Variants in KAZN observed in about 807,000 individuals in gnomAD.
KAZN encodes kazrin, periplakin interacting protein.
In KAZN, 40 loss-of-function variants were observed where a neutral mutation model predicts 87.4. That is an observed-to-expected ratio of 0.46 (90% CI 0.36 to 0.60). The LOEUF is 0.60. Among genes scored for constraint, KAZN ranks in the 20% least tolerant of loss-of-function variants. The pLI is 0.00. For synonymous variants in KAZN, 466 were observed against 458.3 expected (o/e 1.02, Z -0.22); for missense variants, 898 against 1,073.9 (o/e 0.84, Z 2.29).
intron 2 of KAZN, among the ~76,000 whole-genome samples, chr1:14,380,113 G>C (rs1471908695): frequency 6.6e-6 from 1 of 152,222 alleles, no homozygotes; most frequent in Non-Finnish European, 1.5e-5. Flanking sequence ...TCTTATCCAA[G>C]ACTACCAAGG....
chr1:14,545,856 T>C (rs1158411904), intron 2 of KAZN, among the ~76,000 whole-genome samples: 1 of 152,262 alleles, frequency 6.6e-6, no homozygotes, highest in East Asian at 1.9e-4. Flanking sequence ...GTTATACATG[T>C]TACTTTAGCT....
chr1:14,481,947 T>C (rs1477950443), intron 2 of KAZN, among the ~76,000 whole-genome samples: 2 of 152,044 alleles, frequency 1.3e-5, no homozygotes, highest in Admixed American at 6.6e-5. Flanking sequence ...CTGCATGGAG[T>C]GTCCAGGCAG....
intron 2 of KAZN, among the ~76,000 whole-genome samples, chr1:14,275,539 A>T (rs551871989): frequency 1.3e-5 from 2 of 151,040 alleles, no homozygotes; most frequent in Non-Finnish European, 2.9e-5. Flanking sequence ...ATATCAATGA[A>T]ATAATTCTTT....
intron 1 of KAZN, among the ~76,000 whole-genome samples, chr1:13,985,554 T>G: frequency 2.1e-5 from 2 of 96,260 alleles, no homozygotes; most frequent in African/African-American, 4.2e-5. Context: ...TGGGGACTGT[T>G]GTGGGGTGGG....
intron 1 of KAZN, among the ~76,000 whole-genome samples, chr1:14,136,257 C>G (rs4661476): frequency 0.54 from 81,760 of 151,862 alleles, 23,054 homozygotes; most frequent in East Asian, 0.73. Flanking sequence ...AGGGCACAAG[C>G]GGATGTCCTC....
intron 2 of KAZN, among the ~76,000 whole-genome samples, chr1:14,444,687 G>A (rs374845614): frequency 7.2e-5 from 11 of 152,200 alleles, no homozygotes; most frequent in African/African-American, 2.7e-4. Context: ...GTTCTTCAGT[G>A]GATGCAGCTT....
chr1:14,680,528 T>A (rs1640508618), intron 1 of KAZN, among the ~76,000 whole-genome samples: 1 of 152,178 alleles, frequency 6.6e-6, no homozygotes, highest in Admixed American at 6.5e-5. Context: ...ATATGTGCCA[T>A]GGTGGTTTGC....
chr1:14,924,092 A>C (rs1307626446), intron 1 of KAZN: 4 of 972,694 alleles, frequency 4.1e-6, no homozygotes, highest in Non-Finnish European at 3.7e-6. Context: ...GGCAGTCGCC[A>C]GCCCGGAAGG....
At chr1:15,007,794 A>T (rs899537084) in intron 2 of KAZN, among the ~76,000 whole-genome samples, 3 of 152,192 alleles carry the variant, frequency 2.0e-5, no homozygotes, top group African/African-American at 7.2e-5. Context: ...CTTGCTAACA[A>T]ACCTGAATGC....
At chr1:14,901,417 C>G (rs1275377647) in intron 1 of KAZN, among the ~76,000 whole-genome samples, 3 of 98,644 alleles carry the variant, frequency 3.0e-5, no homozygotes, top group Non-Finnish European at 8.3e-5. Flanking sequence ...TATGCCACAT[C>G]CAGGAGTTCA....
chr1:14,248,652 G>T (rs1276365523), intron 2 of KAZN, among the ~76,000 whole-genome samples: 1 of 152,270 alleles, frequency 6.6e-6, no homozygotes, highest in African/African-American at 2.4e-5. Flanking sequence ...CAAAGGCACA[G>T]CAGTGTGAGA....
intron 1 of KAZN, among the ~76,000 whole-genome samples, chr1:14,847,644 G>A (rs1648944352): frequency 2.0e-5 from 3 of 152,204 alleles, no homozygotes; most frequent in South Asian, 4.1e-4. Flanking sequence ...TGATGCCAGG[G>A]ACATTATCTG....
chr1:14,900,506 C>G (rs984116174), intron 1 of KAZN, among the ~76,000 whole-genome samples: 1 of 152,130 alleles, frequency 6.6e-6, no homozygotes, highest in African/African-American at 2.4e-5. Context: ...GTAATCCCAG[C>G]ACTTTGGGAG....
intron 2 of KAZN, among the ~76,000 whole-genome samples, chr1:14,392,518 C>T (rs1396955069): frequency 6.6e-6 from 1 of 152,058 alleles, no homozygotes; most frequent in Non-Finnish European, 1.5e-5. Context: ...ATCCAAGTAG[C>T]CTGGCAGGGT....
At chr1:14,993,883 TGAG>T (rs1667604717) in intron 2 of KAZN, among the ~76,000 whole-genome samples, 1 of 152,094 alleles carries the variant, frequency 6.6e-6, no homozygotes, top group Admixed American at 6.5e-5. Flanking sequence ...GCTTGAAGGA[TGAG>T]GAGGGTTTCT....
At chr1:14,514,593 TTTTATATATA>T (rs1671185753) in intron 2 of KAZN, among the ~76,000 whole-genome samples, 1 of 28,264 alleles carries the variant, frequency 3.5e-5, no homozygotes, top group African/African-American at 1.1e-4. Flanking sequence ...TTTTTTTATA[TTTTATATATA>T]TATATATATA....
chr1:14,061,511 T>C (rs1190927702), intron 1 of KAZN, among the ~76,000 whole-genome samples: 1 of 152,134 alleles, frequency 6.6e-6, no homozygotes, highest in Non-Finnish European at 1.5e-5. Context: ...TCTAGAACAA[T>C]ATGTGGGAAA....
At chr1:13,958,698 G>A (rs1270319494) in intron 1 of KAZN, among the ~76,000 whole-genome samples, 1 of 152,120 alleles carries the variant, frequency 6.6e-6, no homozygotes, top group Non-Finnish European at 1.5e-5. Context: ...GAATCATCCA[G>A]CCTGGGAGAA....
At chr1:14,388,560 AG>A (rs71572105) in intron 2 of KAZN, among the ~76,000 whole-genome samples, 8,248 of 152,268 alleles carry the variant, frequency 0.054, 293 homozygotes, top group Non-Finnish European at 0.083. Flanking sequence ...ATCTATGATG[AG>A]CTCATTTTTG....
Sources: gnomAD v4.1 joint callset for allele counts (sites outside exome capture counted in the v4.1 genomes callset) on GRCh38, gnomAD v4.1.1 for gene constraint, MANE v1.5 for transcripts, NCBI Gene and HGNC (gene_info 2026-07-23, HGNC 2026-07-21) for gene names.